The following NFIC variants were observed in gnomAD, a reference collection of about 807,000 sequenced individuals.
The protein encoded by NFIC is nuclear factor I C, also known as nuclear factor 1 C-type.
NFIC carries 12 observed loss-of-function variants against 54.4 expected under a neutral mutation model. The ratio of observed to expected loss-of-function variants is 0.22; its 90% CI spans 0.14 to 0.36. The LOEUF (loss-of-function observed/expected upper bound fraction) is 0.36, where lower values mean the gene tolerates loss of function less well. Ranked by LOEUF, NFIC falls within the 10% of genes least tolerant of loss-of-function variation. The probability of loss-of-function intolerance (pLI) is 1.00; values close to 1 mark genes in which losing one functional copy is unlikely to be tolerated. For synonymous variants in NFIC, 322 were observed against 319.2 expected, an observed-to-expected ratio of 1.01 and a Z score of -0.09; for missense variants, 575 against 718.2, an observed-to-expected ratio of 0.80 and a Z score of 2.28.
chr19:3,456,767 C>A, intron 10 of NFIC, 132 bp downstream of exon 10: 1 of 870,760 alleles, frequency 1.1e-6, no homozygotes, highest in Non-Finnish European at 1.8e-6. Flanking sequence ...CCTCCCACAC[C>A]CCACCTGGGC....
chr19:3,463,963 C>A lies in NFIC; in HGVS notation c.*1194C>A, dbSNP rs1226690349. On this transcript the variant is annotated 3_prime_UTR_variant, in exon 11 of 11. Transcript: ENST00000443272. ...AGTCAACCCTCATCGCCGTGCCCCCCCAGAGCTAGAGAGATGGGGCCCCTG... is the reference window on the plus strand; with the variant it reads ...AGTCAACCCTCATCGCCGTGCCCCCACAGAGCTAGAGAGATGGGGCCCCTG... 2 of 985,106 alleles carry A rather than the reference C, an allele frequency of 2.0e-6. No homozygotes were observed. Among genetic ancestry groups the A allele is most frequent in the Non-Finnish European group, 2.4e-6 (2 of 829,886 alleles). The allele number at this position is 985,106 out of a possible 1,614,324, so 61.0% of individuals were successfully genotyped here.
rs1012665241 is a variant in NFIC, at chr19:3,452,311, G to A, written c.1085-171G>A. 3.2e-4 allele frequency among the ~76,000 whole-genome samples: 49 copies of A among 152,014 alleles called. No individual in the cohort carries two copies. The highest frequency in any genetic ancestry group is 1.1e-3 in the African/African-American group (47 of 41,366). On this transcript the variant is annotated intron_variant, in intron 7 of 10. Coordinates refer to ENST00000443272, the MANE Select transcript of NFIC (RefSeq NM_001245002.2). This position sits in a 1 kb window ranked among gnomAD's most constrained non-coding sequence, Gnocchi z 5.3. Reference sequence around the variant, plus strand: ...CCCCAGTGGGGTTGCCGTGGGAGTCGGGGAATTTGGGTGTCAATGTGGTCA... The same window carrying A: ...CCCCAGTGGGGTTGCCGTGGGAGTCAGGGAATTTGGGTGTCAATGTGGTCA...
intron 10 of NFIC, among the ~76,000 whole-genome samples, chr19:3,460,843 G>A (rs1360401220): frequency 6.6e-6 from 1 of 151,848 alleles, no homozygotes; most frequent in Non-Finnish European, 1.5e-5. Context: ...ACATTCTCAA[G>A]GCCATGTGCA....
chr19:3,462,978 T>A lies in NFIC; in HGVS notation c.*209T>A. On this transcript the variant is annotated 3_prime_UTR_variant, in exon 11 of 11. Transcript: ENST00000443272. ...AAGGCAGAAGAAGAAGAAGAAGAAA[T>A]AAAAACCCACCCAAGCAAGAAGACA... The A allele has an allele frequency of 2.9e-6, 4 of 1,374,288 alleles. No homozygotes were observed. The highest frequency in any genetic ancestry group is 3.4e-5 in the Admixed American group (1 of 29,338). 85.1% of individuals were successfully genotyped at this position (1,374,288 alleles called of 1,614,324 possible). A position where few individuals can be genotyped will look rare whatever the true frequency, so the allele number is the denominator to read the frequency against.
chr19:3,400,952 G>A (rs2081546096), intron 2 of NFIC, among the ~76,000 whole-genome samples: 1 of 152,246 alleles, frequency 6.6e-6, no homozygotes, highest in Admixed American at 6.5e-5. Flanking sequence ...CTGTGCTGGG[G>A]AGGTCCCTGA....
intron 2 of NFIC, among the ~76,000 whole-genome samples, chr19:3,415,926 G>A (rs368855636): frequency 1.3e-5 from 2 of 152,042 alleles, no homozygotes; most frequent in Non-Finnish European, 2.9e-5. Context: ...GATGGCTGAG[G>A]CAGGAGGAGC....
At chr19:3,450,527 T>C (rs140381793) in intron 7 of NFIC, among the ~76,000 whole-genome samples, 2,403 of 149,570 alleles carry the variant, frequency 0.016, 35 homozygotes, top group Non-Finnish European at 0.025. Flanking sequence ...TGGTGATGCA[T>C]GCCTGTGATC....
At chr19:3,399,498 T>C (rs952968995) in intron 2 of NFIC, among the ~76,000 whole-genome samples, 1 of 152,012 alleles carries the variant, frequency 6.6e-6, no homozygotes, top group Non-Finnish European at 1.5e-5. Context: ...ATTGCTCAAG[T>C]CTGGGAGGTT....
At chr19:3,364,660 G>C (rs562618792), upstream of NFIC, among the ~76,000 whole-genome samples, 5 of 152,268 alleles carry the variant, frequency 3.3e-5, no homozygotes, top group African/African-American at 1.2e-4. Flanking sequence ...TGAGGAAACC[G>C]AGGTTCCAAG....
In NFIC at chr19:3,469,162, AAAAAAG is replaced by A. The variant is rs2122005429; in HGVS notation, c.*6399_*6404del. The stretch of plus-strand genomic sequence containing the variant: ...AAGATTCAATAAAAGACAAACAAAA[AAAAAAG>A]AAAAAAGAAAAAAATGTATAAAAAT... On this transcript the variant is annotated 3_prime_UTR_variant, in exon 11 of 11. Coordinates refer to ENST00000443272, the MANE Select transcript of NFIC (RefSeq NM_001245002.2). The A allele has an allele frequency of 6.6e-6, 1 of 152,172 alleles. No homozygotes were observed. Among genetic ancestry groups the A allele is most frequent in the South Asian group, 2.1e-4 (1 of 4,828 alleles). 9.4% of individuals were successfully genotyped at this position (152,172 alleles called of 1,614,324 possible). A position where few individuals can be genotyped will look rare whatever the true frequency, so the allele number is the denominator to read the frequency against.
intron 1 of NFIC, among the ~76,000 whole-genome samples, chr19:3,367,419 G>GGCCCGGGCACT: frequency 6.6e-6 from 1 of 151,862 alleles, no homozygotes; most frequent in East Asian, 1.9e-4. Flanking sequence ...CTCCGGGTCT[G>GGCCCGGGCACT]GCCCGGGCAC....
upstream of NFIC, among the ~76,000 whole-genome samples, chr19:3,362,556 G>A (rs748364084): frequency 2.0e-5 from 3 of 152,050 alleles, no homozygotes; most frequent in East Asian, 1.9e-4. Flanking sequence ...GCTGTGTGTC[G>A]TGTGGAGTCT....
intron 3 of NFIC, among the ~76,000 whole-genome samples, chr19:3,433,109 C>T (rs889698749): frequency 6.6e-6 from 1 of 152,158 alleles, no homozygotes; most frequent in African/African-American, 2.4e-5. Flanking sequence ...GGACTACAGG[C>T]ACGGACCACA....
At chr19:3,433,634 G>A (rs2082155478) in intron 4 of NFIC, 42 bp downstream of exon 4, 1 of 1,604,154 alleles carries the variant, frequency 6.2e-7, no homozygotes. Context: ...TTGGAGAGGG[G>A]AGGGGGCCGC....
At chr19:3,399,083 G>A (rs2074006216) in intron 2 of NFIC, among the ~76,000 whole-genome samples, 1 of 152,220 alleles carries the variant, frequency 6.6e-6, no homozygotes, top group South Asian at 2.1e-4. Flanking sequence ...TTAAGTCCCT[G>A]TCTCTGAGCC....
chr19:3,382,791 C>T (rs181218532), intron 2 of NFIC, among the ~76,000 whole-genome samples: 6 of 149,710 alleles, frequency 4.0e-5, no homozygotes, highest in Admixed American at 2.7e-4. Flanking sequence ...CCTAGGAGAG[C>T]GTCTAATGCA....
rs1434031888 is a variant in NFIC, at chr19:3,463,849, C to T, written c.*1080C>T. 1 of 984,490 alleles carries T rather than the reference C, an allele frequency of 1.0e-6. No homozygotes were observed. Among genetic ancestry groups the T allele is most frequent in the Non-Finnish European group, 1.2e-6 (1 of 829,616 alleles). 61.0% of individuals were successfully genotyped at this position (984,490 alleles called of 1,614,324 possible). On this transcript the variant is annotated 3_prime_UTR_variant, in exon 11 of 11. Coordinates refer to ENST00000443272, the MANE Select transcript of NFIC (RefSeq NM_001245002.2). The stretch of plus-strand genomic sequence containing the variant: ...GCGAGTGGTTTAAGTGCCTGATTAC[C>T]ACCACCCGCCCCCCCCTTTGTCCAG...
At chr19:3,380,184 T>C (rs1282678885) in intron 1 of NFIC, among the ~76,000 whole-genome samples, 6 of 150,202 alleles carry the variant, frequency 4.0e-5, no homozygotes, top group African/African-American at 9.9e-5. Context: ...TGTTTTTTTT[T>C]CAGTAGAGAC....
intron 2 of NFIC, among the ~76,000 whole-genome samples, chr19:3,392,354 G>A (rs936114331): frequency 1.3e-5 from 2 of 152,138 alleles, no homozygotes; most frequent in Non-Finnish European, 2.9e-5. Context: ...CTACAGGCGT[G>A]AGCCACCGCA....
Sources: allele counts gnomAD v4.1 joint callset (sites outside exome capture counted in the v4.1 genomes callset), GRCh38; gene constraint gnomAD v4.1.1; non-coding constraint Gnocchi (gnomAD v3.1); transcripts MANE v1.5; gene names NCBI Gene and HGNC (gene_info 2026-07-23, HGNC 2026-07-21).